NBAS: variants seen among roughly 807,000 people sequenced by gnomAD.
NBAS encodes NBAS subunit of NRZ tethering complex.
NBAS carries 219 observed loss-of-function variants against 302.5 expected under a neutral mutation model. That is an observed-to-expected ratio of 0.72 (90% CI 0.65 to 0.81). The LOEUF (loss-of-function observed/expected upper bound fraction) is 0.81, where lower values mean the gene tolerates loss of function less well. NBAS is among the 30% of genes least tolerant of loss of function. The probability of loss-of-function intolerance (pLI) is 0.00; values close to 1 mark genes in which losing one functional copy is unlikely to be tolerated. For missense variants in NBAS, 2,932 were observed against 2,841.6 expected, an observed-to-expected ratio of 1.03 and a Z score of -0.72; for synonymous variants, 1,118 against 1,021.6, an observed-to-expected ratio of 1.09 and a Z score of -1.80.
chr2:15,469,690 A>G lies in NBAS; in HGVS notation c.1726-1157T>C, dbSNP rs1444459203. Among the ~76,000 whole-genome samples the G allele has an allele frequency of 2.6e-5, 4 of 152,100 alleles. No individual in the cohort carries two copies. In the East Asian group the frequency reaches 7.7e-4, roughly 29 times the overall value. On this transcript the variant is annotated intron_variant, in intron 16 of 51. Transcript: ENST00000281513. ...GGATGAGTTCACATCCTGTATAGGG[A>G]CATAGATGAAGCTGGAAACCATCAT...
At chr2:15,275,363 T>C (rs1669524075) in intron 44 of NBAS, 121 bp downstream of exon 44, 1 of 1,226,510 alleles carries the variant, frequency 8.2e-7, no homozygotes, top group Non-Finnish European at 1.1e-6. Context: ...CAAAAACTTT[T>C]TAAAAAGCCA....
At chr2:15,253,477 C>G (rs1252381772) in intron 44 of NBAS, among the ~76,000 whole-genome samples, 1 of 152,186 alleles carries the variant, frequency 6.6e-6, no homozygotes, top group African/African-American at 2.4e-5. Flanking sequence ...GGGAAACTTA[C>G]ACATTAACCT....
chr2:15,400,792 C>T (rs1676113639), intron 26 of NBAS, among the ~76,000 whole-genome samples: 2 of 152,086 alleles, frequency 1.3e-5, no homozygotes, highest in South Asian at 4.1e-4. Context: ...TCCCCACGGC[C>T]CCACATTTTG....
intron 38 of NBAS, among the ~76,000 whole-genome samples, chr2:15,315,454 TGAAA>T (rs756201487): frequency 4.5e-4 from 68 of 152,258 alleles, no homozygotes; most frequent in Admixed American, 1.0e-3. Context: ...GGAAGAAAAA[TGAAA>T]GAAATCCTCC....
rs183215249 is a variant in NBAS at position 15,496,346 on chromosome 2, A to G, written c.955-7324T>C. On this transcript the variant is annotated intron_variant, in intron 11 of 51. Coordinates refer to ENST00000281513, the MANE Select transcript of NBAS (RefSeq NM_015909.4). ...GGGGAGATGGAGTGTTGCAGGTGAT[A>G]ATTAAGGGATGCAGGGTTTTTTTCC... 1.3e-4 allele frequency among the ~76,000 whole-genome samples: 20 copies of G among 152,262 alleles called. No individual in the cohort carries two copies. In the East Asian group the frequency reaches 3.9e-3, roughly 29 times the overall value.
chr2:15,443,269 C>A (rs1191302215), intron 21 of NBAS, among the ~76,000 whole-genome samples: 2 of 151,452 alleles, frequency 1.3e-5, no homozygotes, highest in Non-Finnish European at 1.5e-5. Flanking sequence ...TACTGGCAAA[C>A]CGAATCCAGC....
chr2:14,848,572 A>G, the NBAS span, among the ~76,000 whole-genome samples: 1 of 140,424 alleles, frequency 7.1e-6, no homozygotes, highest in South Asian at 2.1e-4. Context: ...GGTGGAGCCC[A>G]CCACAGCTCA....
chr2:14,973,997 T>C, the NBAS span, among the ~76,000 whole-genome samples: 1 of 152,164 alleles, frequency 6.6e-6, no homozygotes, highest in Admixed American at 6.5e-5. Context: ...GACCTAGATC[T>C]AAAGCCAACT....
the NBAS span, among the ~76,000 whole-genome samples, chr2:15,148,977 T>TAAAA: frequency 6.9e-3 from 1,058 of 152,336 alleles, 10 homozygotes; most frequent in African/African-American, 0.021. Context: ...GAGTGTACTT[T>TAAAA]AAAAAACCTT....
At chr2:14,909,188 C>T in the NBAS span, among the ~76,000 whole-genome samples, 5,417 of 151,618 alleles carry the variant, frequency 0.036, 130 homozygotes, top group Middle Eastern at 0.065. Flanking sequence ...GGCATGGTGG[C>T]GGGCATCTGT....
the NBAS span, among the ~76,000 whole-genome samples, chr2:14,930,371 C>G: frequency 3.9e-5 from 6 of 152,160 alleles, no homozygotes; most frequent in Non-Finnish European, 7.3e-5. Context: ...AGTGTGGAAG[C>G]ATGGAATAGG....
intron 9 of NBAS, among the ~76,000 whole-genome samples, chr2:15,534,184 T>C (rs114096238): frequency 3.3e-5 from 5 of 152,220 alleles, no homozygotes; most frequent in African/African-American, 1.2e-4. Context: ...GGAAGTAGCA[T>C]CTACTGAGGC....
chr2:14,915,565 GT>G, the NBAS span, among the ~76,000 whole-genome samples: 3 of 151,690 alleles, frequency 2.0e-5, no homozygotes, highest in East Asian at 5.8e-4. Flanking sequence ...GATCTGATGG[GT>G]TTTTTTTGTT....
chr2:15,319,994 C>G (rs1360617740), intron 38 of NBAS, among the ~76,000 whole-genome samples: 1 of 152,096 alleles, frequency 6.6e-6, no homozygotes, highest in African/African-American at 2.4e-5. Context: ...TGCGAAAGTC[C>G]TCAATAAAAT....
chr2:14,796,344 A>T, the NBAS span, among the ~76,000 whole-genome samples: 3 of 152,158 alleles, frequency 2.0e-5, no homozygotes, highest in African/African-American at 2.4e-5. Context: ...CTTCCATATG[A>T]ATTTTGGAAC....
intron 22 of NBAS, 44 bp from the exon 23 acceptor site, chr2:15,424,512 G>A: frequency 6.2e-7 from 1 of 1,604,360 alleles, no homozygotes; most frequent in Non-Finnish European, 8.5e-7. Flanking sequence ...CTAGAATGTT[G>A]GAAAAACATA....
chr2:14,887,175 G>A, the NBAS span, among the ~76,000 whole-genome samples: 26 of 152,204 alleles, frequency 1.7e-4, 1 homozygote, highest in East Asian at 2.3e-3. Flanking sequence ...AGGCCAAGGC[G>A]GATGGATCAC....
chr2:15,230,987 C>G (rs991938437), intron 47 of NBAS, among the ~76,000 whole-genome samples: 1 of 152,202 alleles, frequency 6.6e-6, no homozygotes, highest in Non-Finnish European at 1.5e-5. Flanking sequence ...CCTTGTGTAT[C>G]CTGCCCTAAC....
chr2:14,798,394 G>A, the NBAS span, among the ~76,000 whole-genome samples: 1 of 152,096 alleles, frequency 6.6e-6, no homozygotes, highest in African/African-American at 2.4e-5. Flanking sequence ...ATAGATAGAT[G>A]TTTGACTGTT....
Sources: gnomAD v4.1 joint callset for allele counts (sites outside exome capture counted in the v4.1 genomes callset) on GRCh38, gnomAD v4.1.1 for gene constraint, MANE v1.5 for transcripts, NCBI Gene and HGNC (gene_info 2026-07-23, HGNC 2026-07-21) for gene names.